FHIT: variants seen among roughly 807,000 people sequenced by gnomAD.
FHIT encodes bis(5'-adenosyl)-triphosphatase.
A neutral mutation model predicts 17.9 loss-of-function variants in FHIT; 19 were observed. That is an observed-to-expected ratio of 1.06 (90% confidence interval 0.74 to 1.56). The LOEUF is 1.56. Among genes scored for constraint, FHIT ranks in the 40% most tolerant of loss-of-function variants. The probability of loss-of-function intolerance (pLI) is 0.00; values close to 1 mark genes in which losing one functional copy is unlikely to be tolerated. For missense variants in FHIT, 248 were observed against 189.2 expected, an observed-to-expected ratio of 1.31 and a Z score of -1.82; for synonymous variants, 81 against 69.7, an observed-to-expected ratio of 1.16 and a Z score of -0.81.
chr3:61,053,855 A>G (rs2034118014), intron 2 of FHIT, among the ~76,000 whole-genome samples: 1 of 152,224 alleles, frequency 6.6e-6, no homozygotes, highest in South Asian at 2.1e-4. Context: ...TCTGGAGCGA[A>G]CCCAATCTAA....
chr3:60,291,546 T>G (rs1003360643), intron 5 of FHIT, among the ~76,000 whole-genome samples: 5 of 152,306 alleles, frequency 3.3e-5, no homozygotes, highest in African/African-American at 1.2e-4. Context: ...CATTCCCCTG[T>G]GCAAGCTTCC....
chr3:60,786,876 T>C (rs55868432), intron 4 of FHIT, among the ~76,000 whole-genome samples: 43,623 of 151,324 alleles, frequency 0.29, 8,056 homozygotes, highest in African/African-American at 0.53. Flanking sequence ...AATCTGAGTA[T>C]ATAAAAGAAG....
intron 5 of FHIT, among the ~76,000 whole-genome samples, chr3:60,494,309 G>A (rs940290642): frequency 3.3e-5 from 5 of 152,162 alleles, no homozygotes; most frequent in African/African-American, 9.6e-5. Context: ...CATAATATGC[G>A]ACTTTTAGTG....
chr3:61,021,598 CAAAAAAAAAAA>C (rs34870709), intron 3 of FHIT, among the ~76,000 whole-genome samples: 2 of 63,848 alleles, frequency 3.1e-5, no homozygotes, highest in Admixed American at 4.3e-4. Context: ...GACTCCGTCT[CAAAAAAAAAAA>C]AAAAAAAAAA....
At chr3:60,905,029 T>A (rs1248862034) in intron 3 of FHIT, among the ~76,000 whole-genome samples, 1 of 151,890 alleles carries the variant, frequency 6.6e-6, no homozygotes, top group Non-Finnish European at 1.5e-5. Flanking sequence ...GAATTGCCCT[T>A]AAACATATGA....
chr3:60,447,781 T>TG (rs995033044), intron 5 of FHIT, among the ~76,000 whole-genome samples: 5 of 152,100 alleles, frequency 3.3e-5, no homozygotes, highest in African/African-American at 9.7e-5. Context: ...AGCAAAGAGA[T>TG]GGAGATTTAA....
chr3:60,418,968 A>G (rs1216922862), intron 5 of FHIT, among the ~76,000 whole-genome samples: 1 of 152,172 alleles, frequency 6.6e-6, no homozygotes, highest in Non-Finnish European at 1.5e-5. Context: ...CTTACAAGCA[A>G]TCTGGTTCTG....
At chr3:60,133,132 T>C (rs932004637) in intron 5 of FHIT, among the ~76,000 whole-genome samples, 6 of 152,096 alleles carry the variant, frequency 3.9e-5, no homozygotes, top group African/African-American at 1.2e-4. Context: ...AGATGGAACA[T>C]CTTTCACGGC....
intron 3 of FHIT, among the ~76,000 whole-genome samples, chr3:60,931,516 G>A (rs911565030): frequency 3.9e-5 from 6 of 152,034 alleles, no homozygotes; most frequent in Admixed American, 2.0e-4. Flanking sequence ...AAATGCTGCC[G>A]CCTGTTTTTA....
At chr3:60,158,568 T>G (rs1335968300) in intron 5 of FHIT, among the ~76,000 whole-genome samples, 2 of 152,130 alleles carry the variant, frequency 1.3e-5, no homozygotes, top group Admixed American at 6.5e-5. Context: ...CGCCTCTGCC[T>G]TGCAAAGTGC....
intron 5 of FHIT, among the ~76,000 whole-genome samples, chr3:60,193,931 T>C (rs1702511072): frequency 6.6e-6 from 1 of 152,120 alleles, no homozygotes; most frequent in Admixed American, 6.5e-5. Flanking sequence ...CTAAAGAACT[T>C]GAAAGTATCA....
chr3:60,026,084 C>T (rs1043949682), intron 5 of FHIT, among the ~76,000 whole-genome samples: 2 of 152,132 alleles, frequency 1.3e-5, no homozygotes, highest in African/African-American at 2.4e-5. Context: ...AACTGCCAAT[C>T]ACAGGGGAGG....
intron 4 of FHIT, among the ~76,000 whole-genome samples, chr3:60,728,433 C>G (rs2041960223): frequency 6.6e-6 from 1 of 152,058 alleles, no homozygotes; most frequent in Non-Finnish European, 1.5e-5. Context: ...TTCAGTTTAC[C>G]ATTTAAGCCT....
At chr3:59,934,818 C>T (rs930453220) in intron 7 of FHIT, among the ~76,000 whole-genome samples, 3 of 152,024 alleles carry the variant, frequency 2.0e-5, no homozygotes, top group Admixed American at 6.5e-5. Context: ...CATGAGAACA[C>T]GATGGGGGAA....
intron 3 of FHIT, among the ~76,000 whole-genome samples, chr3:60,822,462 G>A (rs1553739653): frequency 6.6e-6 from 1 of 152,138 alleles, no homozygotes; most frequent in Non-Finnish European, 1.5e-5. Context: ...TGTGTGGCCA[G>A]TTTACTCACT....
At chr3:60,990,568 G>C (rs534259075) in intron 3 of FHIT, among the ~76,000 whole-genome samples, 1 of 152,278 alleles carries the variant, frequency 6.6e-6, no homozygotes, top group South Asian at 2.1e-4. Context: ...AGGAAACAGT[G>C]TCCCCATTCT....
At chr3:60,868,072 G>T (rs1203512310) in intron 3 of FHIT, among the ~76,000 whole-genome samples, 3 of 152,068 alleles carry the variant, frequency 2.0e-5, no homozygotes, top group Non-Finnish European at 4.4e-5. Context: ...GAATAGAATT[G>T]AAGGTTTTTA....
At chr3:60,065,989 CAGG>C (rs1559599073) in intron 5 of FHIT, among the ~76,000 whole-genome samples, 1 of 152,182 alleles carries the variant, frequency 6.6e-6, no homozygotes, top group East Asian at 1.9e-4. Flanking sequence ...TGCCTACCTC[CAGG>C]AGGTCTTCTT....
intron 5 of FHIT, among the ~76,000 whole-genome samples, chr3:60,322,382 C>G (rs373930793): frequency 5.3e-5 from 8 of 152,342 alleles, no homozygotes; most frequent in Admixed American, 2.0e-4. Context: ...CAGGGAAAGA[C>G]TTGTTATTAT....
Sources: gnomAD v4.1 joint callset for allele counts (sites outside exome capture counted in the v4.1 genomes callset) on GRCh38, gnomAD v4.1.1 for gene constraint, MANE v1.5 for transcripts, NCBI Gene and HGNC (gene_info 2026-07-23, HGNC 2026-07-21) for gene names.